The following PLEKHA7 variants were observed in gnomAD, a reference collection of about 807,000 sequenced individuals.
PLEKHA7 encodes pleckstrin homology domain-containing family A member 7.
PLEKHA7 carries 104 observed loss-of-function variants against 170.0 expected under a neutral mutation model. The ratio of observed to expected loss-of-function variants is 0.61; its 90% CI spans 0.52 to 0.72. PLEKHA7 has a LOEUF of 0.72. Ranked by LOEUF, PLEKHA7 falls within the 30% of genes least tolerant of loss-of-function variation. The pLI is 0.00. For synonymous variants in PLEKHA7, 648 were observed against 660.8 expected, an observed-to-expected ratio of 0.98 and a Z score of 0.30; for missense variants, 1,615 against 1,671.7, an observed-to-expected ratio of 0.97 and a Z score of 0.59.
At chr11:16,966,286 ATGTATGTGTGTGTG>A (rs1230849378) in intron 3 of PLEKHA7, among the ~76,000 whole-genome samples, 1,357 of 111,054 alleles carry the variant, frequency 0.012, 22 homozygotes, top group African/African-American at 0.044. Flanking sequence ...ATGGTTGTGC[ATGTATGTGTGTGTG>A]TGTGTGTGTG....
Position 17,014,371 on chromosome 11 carries a change from A to G in PLEKHA7, c.31T>C (p.Leu11=). Residue 11 remains leucine, a synonymous_variant, in exon 1 of 27, where the codon TTA becomes CTA. Coordinates refer to ENST00000531066, the MANE Select transcript of PLEKHA7 (RefSeq NM_001329630.2). The part of the protein sequence containing the change: MAAATVGRDT[L]PEHWSYGVCR... ...ACCCCGTAGGACCAATGCTCAGGTAAAGTGTCCCGCCCGACCGTCGCCGCC... is the reference window on the plus strand; with the variant it reads ...ACCCCGTAGGACCAATGCTCAGGTAGAGTGTCCCGCCCGACCGTCGCCGCC... The G allele has an allele frequency of 7.1e-7, 1 of 1,417,046 alleles. No homozygotes were observed. Among genetic ancestry groups the G allele is most frequent in the East Asian group, 3.2e-5 (1 of 31,236 alleles). The allele number at this position is 1,417,046 out of a possible 1,614,324, so 87.8% of individuals were successfully genotyped here.
chr11:16,862,157 C>T (rs1854011445), intron 4 of PLEKHA7, among the ~76,000 whole-genome samples: 2 of 152,282 alleles, frequency 1.3e-5, no homozygotes, highest in East Asian at 3.9e-4. Context: ...TCTCCTTCCC[C>T]CTCAAGTCCT....
chr11:16,995,397 C>T (rs1224313822), intron 3 of PLEKHA7, among the ~76,000 whole-genome samples: 1 of 152,132 alleles, frequency 6.6e-6, no homozygotes, highest in Non-Finnish European at 1.5e-5. Context: ...CAATGAGTGC[C>T]GGTCCCCTGC....
chr11:16,937,860 G>A (rs948812456), intron 3 of PLEKHA7, among the ~76,000 whole-genome samples: 4 of 152,014 alleles, frequency 2.6e-5, no homozygotes, highest in East Asian at 1.9e-4. Context: ...CACCCGCCTC[G>A]GCCTCCCAAA....
chr11:16,975,026 G>A lies in PLEKHA7; in HGVS notation c.221+38963C>T, dbSNP rs1565171305. The A allele has an allele frequency of 8.2e-6, 6 of 731,478 alleles. 2 individuals are homozygous for A. Among genetic ancestry groups the A allele is most frequent in the Non-Finnish European group, 1.0e-5 (6 of 601,620 alleles). 45.3% of individuals were successfully genotyped at this position (731,478 alleles called of 1,614,324 possible). A position where few individuals can be genotyped will look rare whatever the true frequency, so the allele number is the denominator to read the frequency against. On this transcript the variant is annotated intron_variant, in intron 3 of 26. Transcript: ENST00000531066. ...GGACGTTAACCATGCTTGCGTGAGC[G>A]CTATCGGCGCGGAAAGAAGCCAGGT...
At chr11:16,797,047 A>G (rs1234564746) in intron 17 of PLEKHA7, among the ~76,000 whole-genome samples, 2 of 151,934 alleles carry the variant, frequency 1.3e-5, no homozygotes, top group African/African-American at 4.9e-5. Context: ...CAATTTTTAT[A>G]TATCAATTAA....
At chr11:17,012,032 CCT>C (rs1865349361) in intron 3 of PLEKHA7, among the ~76,000 whole-genome samples, 1 of 152,172 alleles carries the variant, frequency 6.6e-6, no homozygotes, top group Non-Finnish European at 1.5e-5. Context: ...ACCACTACTC[CCT>C]GTCTACTGTG....
chr11:16,908,901 G>A (rs1858053912), intron 3 of PLEKHA7, among the ~76,000 whole-genome samples: 1 of 152,210 alleles, frequency 6.6e-6, no homozygotes. Flanking sequence ...TTTGGCTGGA[G>A]AAGAGGAGCA....
At chr11:16,828,981 G>T (rs1203246400) in intron 9 of PLEKHA7, among the ~76,000 whole-genome samples, 1 of 152,056 alleles carries the variant, frequency 6.6e-6, no homozygotes, top group East Asian at 1.9e-4. Flanking sequence ...TATCTCTTTG[G>T]ATTTTCTGGT....
intron 6 of PLEKHA7, 106 bp from the exon 7 acceptor site, chr11:16,852,461 CTT>C (rs1165489460): frequency 1.0e-5 from 9 of 864,158 alleles, no homozygotes; most frequent in African/African-American, 5.1e-5. Flanking sequence ...CATATTCACT[CTT>C]TGTTTTAATA....
At chr11:16,962,766 G>A (rs1449875415) in intron 3 of PLEKHA7, among the ~76,000 whole-genome samples, 1 of 152,162 alleles carries the variant, frequency 6.6e-6, no homozygotes, top group Non-Finnish European at 1.5e-5. Context: ...TGGCCCACAA[G>A]CACCTTGATG....
chr11:16,884,026 GAATAA>G (rs1054902659), intron 3 of PLEKHA7, among the ~76,000 whole-genome samples: 37 of 79,744 alleles, frequency 4.6e-4, no homozygotes, highest in African/African-American at 1.0e-3. Flanking sequence ...TTCACAAATA[GAATAA>G]AATTGTACAT....
chr11:16,823,059 A>G (rs529874530), intron 10 of PLEKHA7, among the ~76,000 whole-genome samples: 1 of 152,218 alleles, frequency 6.6e-6, no homozygotes, highest in Non-Finnish European at 1.5e-5. Flanking sequence ...CAGTGGTACA[A>G]TCATAACTCA....
chr11:16,822,501 GGAAAAAA>G (rs1455046656), intron 10 of PLEKHA7, among the ~76,000 whole-genome samples: 5 of 126,348 alleles, frequency 4.0e-5, no homozygotes, highest in African/African-American at 6.8e-5. Flanking sequence ...TTTTGGTAGG[GGAAAAAA>G]AAAAAAAAAA....
chr11:16,963,252 A>T (rs1862176129), intron 3 of PLEKHA7, among the ~76,000 whole-genome samples: 1 of 152,196 alleles, frequency 6.6e-6, no homozygotes, highest in Non-Finnish European at 1.5e-5. Flanking sequence ...AGACTTCAGC[A>T]TCTTTTATTT....
intron 3 of PLEKHA7, among the ~76,000 whole-genome samples, chr11:16,996,188 C>T (rs1445403343): frequency 6.6e-6 from 1 of 152,212 alleles, no homozygotes; most frequent in East Asian, 1.9e-4. Flanking sequence ...GGGGCAGATA[C>T]CGGCATTTAC....
At chr11:16,864,361 A>T (rs929708912) in intron 4 of PLEKHA7, among the ~76,000 whole-genome samples, 5 of 152,280 alleles carry the variant, frequency 3.3e-5, no homozygotes, top group Admixed American at 1.3e-4. Context: ...AATAATAATA[A>T]TACTAGCAAT....
At chr11:16,781,155 G>A in intron 26 of PLEKHA7, 3 of 317,264 alleles carry the variant, frequency 9.5e-6, no homozygotes, top group Non-Finnish European at 9.1e-6. Context: ...GGGCCCTGCT[G>A]CCCACCACGA....
chr11:16,950,665 C>G (rs1232881086), intron 3 of PLEKHA7, among the ~76,000 whole-genome samples: 1 of 152,216 alleles, frequency 6.6e-6, no homozygotes, highest in African/African-American at 2.4e-5. Flanking sequence ...CATGCCTACC[C>G]TTAGCCACAT....
Sources: gnomAD v4.1 joint callset for allele counts (sites outside exome capture counted in the v4.1 genomes callset) on GRCh38, gnomAD v4.1.1 for gene constraint, MANE v1.5 for transcripts, NCBI Gene and HGNC (gene_info 2026-07-23, HGNC 2026-07-21) for gene names.